PTH2R: variants seen among roughly 807,000 people sequenced by gnomAD.
PTH2R encodes the protein parathyroid hormone 2 receptor.
A neutral mutation model predicts 60.3 loss-of-function variants in PTH2R; 59 were observed. The ratio of observed to expected loss-of-function variants is 0.98; its 90% CI spans 0.79 to 1.22. The LOEUF (loss-of-function observed/expected upper bound fraction) is 1.22. PTH2R is among the 50% of genes most tolerant of loss of function. PTH2R has a pLI of 0.00. For missense variants in PTH2R, 749 were observed against 682.6 expected, an observed-to-expected ratio of 1.10 and a Z score of -1.08; for synonymous variants, 256 against 243.8, an observed-to-expected ratio of 1.05 and a Z score of -0.47.
At chr2:208,378,137 G>A (rs1257461438) in intron 1 of PTH2R, among the ~76,000 whole-genome samples, 1 of 152,032 alleles carries the variant, frequency 6.6e-6, no homozygotes, top group Non-Finnish European at 1.5e-5. Flanking sequence ...TCGGGAGGCC[G>A]AGGCTGGCGG....
chr2:208,406,538 T>C (rs1403008373), upstream of PTH2R, among the ~76,000 whole-genome samples: 1 of 152,118 alleles, frequency 6.6e-6, no homozygotes, highest in East Asian at 1.9e-4. Flanking sequence ...TCTGGATCAC[T>C]CCTGGAAGAC....
chr2:208,475,732 T>G (rs114533434), intron 9 of PTH2R, among the ~76,000 whole-genome samples: 1 of 152,168 alleles, frequency 6.6e-6, no homozygotes, highest in Non-Finnish European at 1.5e-5. Flanking sequence ...GCAGTGGAGA[T>G]TCTTTCTTTT....
At chr2:208,428,583 G>A (rs1701905589) in intron 2 of PTH2R, among the ~76,000 whole-genome samples, 1 of 152,348 alleles carries the variant, frequency 6.6e-6, no homozygotes, top group East Asian at 1.9e-4. Flanking sequence ...GGGTTTGTCT[G>A]CCTGTAGAGA....
chr2:208,480,412 T>C (rs1703119930), intron 9 of PTH2R, among the ~76,000 whole-genome samples: 1 of 152,164 alleles, frequency 6.6e-6, no homozygotes, highest in South Asian at 2.1e-4. Context: ...TTCATCTTCA[T>C]CTGGAATGTC....
chr2:208,421,365 G>GGTGT lies in PTH2R; in HGVS notation c.76-6817_76-6814dup, dbSNP rs10567822. Among the ~76,000 whole-genome samples, 176 of 148,046 alleles carry GGTGT rather than the reference G, an allele frequency of 1.2e-3. 1 individual carries two copies. In the South Asian group the frequency reaches 0.02, roughly 17 times the overall value. On this transcript the variant is annotated intron_variant, in intron 1 of 12. Coordinates refer to ENST00000272847, the MANE Select transcript of PTH2R (RefSeq NM_005048.4). ...GAAGCCAAGACATTTTCATATTGGG[G>GGTGT]GTGTGTGTGTGTGTGTGTGTGTAGT...
chr2:208,399,979 TACTC>T lies in PTH2R; in HGVS notation c.-258-28219_-258-28216del, dbSNP rs149885397. Among the ~76,000 whole-genome samples, 184 of 152,316 alleles carry T rather than the reference TACTC, an allele frequency of 1.2e-3. 2 individuals carry two copies. In the East Asian group the frequency reaches 0.024, roughly 20 times the overall value. The stretch of plus-strand genomic sequence containing the variant: ...ATGTCCTTTCAGCCCTTTTTACTGA[TACTC>T]ACCCTGTCTCTGGGGCCTTACCCCT... On this transcript the variant is annotated intron_variant, in intron 1 of 12. Coordinates refer to the PTH2R transcript ENST00000617735.
upstream of PTH2R, among the ~76,000 whole-genome samples, chr2:208,402,842 T>C (rs939058215): frequency 6.6e-6 from 1 of 152,236 alleles, no homozygotes; most frequent in African/African-American, 2.4e-5. Context: ...TTAGTACATC[T>C]GTGAAGTTCT....
At chr2:208,402,406 T>A (rs1701326328), upstream of PTH2R, among the ~76,000 whole-genome samples, 1 of 152,252 alleles carries the variant, frequency 6.6e-6, no homozygotes, top group Admixed American at 6.5e-5. Flanking sequence ...TTTTGTTGTT[T>A]TTATCAATAT....
intron 10 of PTH2R, among the ~76,000 whole-genome samples, chr2:208,482,532 T>G (rs1221395816): frequency 6.6e-6 from 1 of 152,150 alleles, no homozygotes; most frequent in African/African-American, 2.4e-5. Context: ...AGATAAGAAT[T>G]TACAATATAG....
chr2:208,415,182 TTAA>T (rs1457827925), intron 1 of PTH2R, among the ~76,000 whole-genome samples: 1 of 152,194 alleles, frequency 6.6e-6, no homozygotes. Context: ...ATCTAAGATT[TTAA>T]TAAGGGGAAA....
chr2:208,437,301 T>A (rs879836116), intron 2 of PTH2R, among the ~76,000 whole-genome samples: 3 of 152,242 alleles, frequency 2.0e-5, no homozygotes, highest in Admixed American at 1.3e-4. Flanking sequence ...TGGAATAATT[T>A]GAATATTTTT....
upstream of PTH2R, among the ~76,000 whole-genome samples, chr2:208,404,735 C>A (rs984056426): frequency 6.6e-6 from 1 of 152,066 alleles, no homozygotes; most frequent in South Asian, 2.1e-4. Context: ...TTGGGGAGTA[C>A]CTTTTCTCTT....
intron 1 of PTH2R, among the ~76,000 whole-genome samples, chr2:208,426,607 G>A (rs1701862160): frequency 6.6e-6 from 1 of 152,132 alleles, no homozygotes; most frequent in South Asian, 2.1e-4. Flanking sequence ...TGAGATCATG[G>A]GGGCGGTTTC....
chr2:208,377,048 C>G (rs1033017424), intron 1 of PTH2R, among the ~76,000 whole-genome samples: 8 of 151,900 alleles, frequency 5.3e-5, no homozygotes, highest in Non-Finnish European at 1.2e-4. Flanking sequence ...TCCCTGGGTA[C>G]TTGAGATTAG....
chr2:208,440,073 CTT>C (rs1702151994), intron 4 of PTH2R, among the ~76,000 whole-genome samples: 1 of 152,120 alleles, frequency 6.6e-6, no homozygotes, highest in Non-Finnish European at 1.5e-5. Flanking sequence ...CAGGAATAAA[CTT>C]GTATATAAAT....
At chr2:208,377,255 C>G (rs1403412838) in intron 1 of PTH2R, among the ~76,000 whole-genome samples, 2 of 152,134 alleles carry the variant, frequency 1.3e-5, no homozygotes, top group African/African-American at 4.8e-5. Context: ...AAAATGAAGT[C>G]TCCCATGTCT....
At chr2:208,465,505 C>A (rs1271687339) in intron 9 of PTH2R, among the ~76,000 whole-genome samples, 1 of 131,772 alleles carries the variant, frequency 7.6e-6, no homozygotes, top group Admixed American at 8.9e-5. Flanking sequence ...TGGGTTCAAG[C>A]GATTCTCCTG....
intron 2 of PTH2R, among the ~76,000 whole-genome samples, chr2:208,434,105 G>A (rs1044655998): frequency 4.6e-5 from 7 of 152,130 alleles, no homozygotes; most frequent in South Asian, 2.1e-4. Context: ...CCTGAGGTCA[G>A]GAGTTCAAGA....
At chr2:208,468,561 G>C (rs926367770) in intron 9 of PTH2R, among the ~76,000 whole-genome samples, 28 of 152,266 alleles carry the variant, frequency 1.8e-4, no homozygotes, top group African/African-American at 6.3e-4. Flanking sequence ...CCAGTCAGTT[G>C]CTTGACCTTG....
Sources: allele counts gnomAD v4.1 joint callset (sites outside exome capture counted in the v4.1 genomes callset), GRCh38; gene constraint gnomAD v4.1.1; transcripts MANE v1.5; gene names NCBI Gene and HGNC (gene_info 2026-07-23, HGNC 2026-07-21).